Variants in ANO1 observed in about 807,000 individuals in gnomAD.
The protein encoded by ANO1 is anoctamin 1.
Under a neutral mutation model 124.0 loss-of-function variants are expected in ANO1, and 59 were observed. That is an observed-to-expected ratio of 0.48 (90% CI 0.39 to 0.59). The LOEUF (loss-of-function observed/expected upper bound fraction) is 0.59, where lower values mean the gene tolerates loss of function less well. ANO1 is among the 20% of genes least tolerant of loss of function. ANO1 has a pLI of 0.00. For synonymous variants in ANO1, 529 were observed against 532.0 expected, an observed-to-expected ratio of 0.99 and a Z score of 0.08; for missense variants, 1,059 against 1,328.0, an observed-to-expected ratio of 0.80 and a Z score of 3.15.
chr11:69,974,940 C>A, the ANO1 span, among the ~76,000 whole-genome samples: 1 of 151,294 alleles, frequency 6.6e-6, no homozygotes, highest in Admixed American at 6.6e-5. Flanking sequence ...AGAGGAATGA[C>A]CATGTGGGGA....
At chr11:70,055,590 T>C (rs2135093293) in intron 1 of ANO1, among the ~76,000 whole-genome samples, 1 of 152,188 alleles carries the variant, frequency 6.6e-6, no homozygotes, top group East Asian at 1.9e-4. Context: ...CTGTATATAG[T>C]ATATAGTTGA....
At chr11:70,001,705 G>A (rs781820996) in intron 1 of ANO1, among the ~76,000 whole-genome samples, 1 of 152,200 alleles carries the variant, frequency 6.6e-6, no homozygotes, top group South Asian at 2.1e-4. Context: ...GCATGTGTTA[G>A]CAAAACATGC....
intron 5 of ANO1, among the ~76,000 whole-genome samples, chr11:70,107,845 C>G (rs2045619768): frequency 6.6e-6 from 1 of 152,152 alleles, no homozygotes; most frequent in African/African-American, 2.4e-5. Context: ...ACCCAGAGCC[C>G]GATGATGGCC....
chr11:70,170,834 C>G (rs948133950), intron 21 of ANO1, 53 bp from the exon 22 acceptor site: 6 of 1,567,050 alleles, frequency 3.8e-6, no homozygotes, highest in Non-Finnish European at 5.2e-6. Flanking sequence ...TGGAGTCCCC[C>G]CTTATGGGCT....
At chr11:69,998,073 A>G (rs1204275145) in intron 1 of ANO1, among the ~76,000 whole-genome samples, 1 of 152,186 alleles carries the variant, frequency 6.6e-6, no homozygotes, top group Non-Finnish European at 1.5e-5. Context: ...ACCTGGACAG[A>G]GACCCTCCTG....
chr11:70,060,743 CTG>C (rs2135109843), intron 1 of ANO1, among the ~76,000 whole-genome samples: 1 of 152,282 alleles, frequency 6.6e-6, no homozygotes, highest in South Asian at 2.1e-4. Flanking sequence ...CAGCCTAGAA[CTG>C]TGAGGTCAAC....
At chr11:69,987,721 T>C (rs61885142) in intron 1 of ANO1, among the ~76,000 whole-genome samples, 1 of 151,210 alleles carries the variant, frequency 6.6e-6, no homozygotes, top group Non-Finnish European at 1.5e-5. Context: ...CACCCAGCAA[T>C]GCTTCTAGGA....
intron 12 of ANO1, among the ~76,000 whole-genome samples, chr11:70,151,308 T>C (rs1000968808): frequency 1.3e-5 from 2 of 152,258 alleles, no homozygotes. Context: ...CTCATTATCC[T>C]GTCCACAAAT....
chr11:69,966,314 T>C, the ANO1 span, among the ~76,000 whole-genome samples: 1 of 152,180 alleles, frequency 6.6e-6, no homozygotes, highest in African/African-American at 2.4e-5. Context: ...GAGGAGGCCC[T>C]GCCCTCAGGG....
chr11:70,154,434 C>G (rs960007291), intron 14 of ANO1, among the ~76,000 whole-genome samples: 5 of 151,152 alleles, frequency 3.3e-5, no homozygotes, highest in Non-Finnish European at 5.9e-5. Context: ...CAGCTCGGTC[C>G]TCCTATAGCC....
chr11:70,123,750 C>G (rs1024510320), intron 8 of ANO1, among the ~76,000 whole-genome samples: 9 of 152,208 alleles, frequency 5.9e-5, no homozygotes, highest in Admixed American at 2.0e-4. Flanking sequence ...AAAGCATTAA[C>G]CACCCACATG....
At chr11:70,172,578 G>A (rs1223011078) in intron 22 of ANO1, among the ~76,000 whole-genome samples, 1 of 152,098 alleles carries the variant, frequency 6.6e-6, no homozygotes, top group Non-Finnish European at 1.5e-5. Flanking sequence ...TTAAGAAAAT[G>A]TGGGAAATTG....
rs960364681 is a variant in ANO1 at position 70,107,141 on chromosome 11, G to A, written c.748-1212G>A. ...AAGGTCAGAACCGATTAGATCTGAG[G>A]GATGATGGGGAGGGAGCCATTGAGA... On this transcript the variant is annotated intron_variant, in intron 5 of 25. Transcript: ENST00000355303. Among the ~76,000 whole-genome samples the A allele has an allele frequency of 2.6e-5, 4 of 152,202 alleles. No homozygotes were observed. In the East Asian group the frequency reaches 7.7e-4, roughly 29 times the overall value.
At chr11:70,130,463 C>A (rs2046709060) in intron 10 of ANO1, among the ~76,000 whole-genome samples, 1 of 152,160 alleles carries the variant, frequency 6.6e-6, no homozygotes, top group African/African-American at 2.4e-5. Flanking sequence ...TGCTGCGTGG[C>A]CCTGAACAAG....
At chr11:69,995,181 C>T (rs1038870797) in intron 1 of ANO1, among the ~76,000 whole-genome samples, 2 of 149,968 alleles carry the variant, frequency 1.3e-5, no homozygotes, top group East Asian at 3.9e-4. Flanking sequence ...CCCACTGCAA[C>T]CTCCACCTCC....
the ANO1 span, among the ~76,000 whole-genome samples, chr11:69,979,240 C>A: frequency 6.6e-6 from 1 of 152,166 alleles, no homozygotes; most frequent in Non-Finnish European, 1.5e-5. Context: ...TATTTCCATA[C>A]CCTTCTTTTT....
At chr11:70,137,689 A>G (rs2047002362) in intron 11 of ANO1, among the ~76,000 whole-genome samples, 1 of 146,266 alleles carries the variant, frequency 6.8e-6, no homozygotes, top group Non-Finnish European at 1.5e-5. Context: ...AGGGGTTCAC[A>G]GTGCCAGCTC....
intron 11 of ANO1, among the ~76,000 whole-genome samples, chr11:70,142,528 C>G (rs1030057173): frequency 6.6e-6 from 1 of 152,284 alleles, no homozygotes; most frequent in African/African-American, 2.4e-5. Flanking sequence ...GCCCTGCCCC[C>G]GCCCCGCCAC....
intron 1 of ANO1, among the ~76,000 whole-genome samples, chr11:70,002,136 C>A (rs908152152): frequency 1.3e-5 from 2 of 152,058 alleles, no homozygotes; most frequent in African/African-American, 2.4e-5. Context: ...TTTTAATGTA[C>A]CTTTTCTATG....
Sources: gnomAD v4.1 joint callset for allele counts (sites outside exome capture counted in the v4.1 genomes callset) on GRCh38, gnomAD v4.1.1 for gene constraint, MANE v1.5 for transcripts, NCBI Gene and HGNC (gene_info 2026-07-23, HGNC 2026-07-21) for gene names.